Variants in PTPRM observed in about 807,000 individuals in gnomAD.
PTPRM encodes the protein receptor-type tyrosine-protein phosphatase mu.
A neutral mutation model predicts 186.7 loss-of-function variants in PTPRM; 47 were observed. That is an observed-to-expected ratio of 0.25 (90% CI 0.20 to 0.32). The LOEUF is 0.32. Ranked by LOEUF, PTPRM falls within the 10% of genes least tolerant of loss-of-function variation. The pLI is 1.00. For missense variants in PTPRM, 1,494 were observed against 1,865.0 expected, an observed-to-expected ratio of 0.80 and a Z score of 3.66; for synonymous variants, 668 against 674.9, an observed-to-expected ratio of 0.99 and a Z score of 0.16.
intron 19 of PTPRM, 63 bp downstream of exon 19, chr18:8,253,477 G>A: frequency 7.6e-7 from 1 of 1,319,556 alleles, no homozygotes; most frequent in Non-Finnish European, 9.8e-7. Flanking sequence ...CAGGTACTGT[G>A]CTCCCAACTC....
At chr18:7,818,034 A>G (rs966426231) in intron 2 of PTPRM, among the ~76,000 whole-genome samples, 1 of 152,066 alleles carries the variant, frequency 6.6e-6, no homozygotes, top group Non-Finnish European at 1.5e-5. Flanking sequence ...CAGCCTAGGG[A>G]TTTTGCAAGT....
At chr18:7,582,579 G>A (rs2036874092) in intron 1 of PTPRM, among the ~76,000 whole-genome samples, 1 of 152,210 alleles carries the variant, frequency 6.6e-6, no homozygotes, top group Non-Finnish European at 1.5e-5. Context: ...ACAAAAAGAG[G>A]TGGGAAATTG....
rs957448489 is a variant in PTPRM at position 7,830,201 on chromosome 18, G to A, written c.196+55930G>A. Among the ~76,000 whole-genome samples the A allele has an allele frequency of 4.6e-5, 7 of 152,082 alleles. No homozygotes were observed. In the East Asian group the frequency reaches 1.4e-3, roughly 29 times the overall value. ...CCTGTGGGCCCTTCCCCTCTTACTG[G>A]GCATGTGTTTCAAGTGGAGCCCCAT... On this transcript the variant is annotated intron_variant, in intron 2 of 32. Transcript: ENST00000580170.
chr18:8,216,148 G>A (rs529052642), intron 14 of PTPRM, among the ~76,000 whole-genome samples: 5 of 152,152 alleles, frequency 3.3e-5, no homozygotes, highest in African/African-American at 9.6e-5. Flanking sequence ...TTTCATGGAA[G>A]TCATAAAAAC....
intron 2 of PTPRM, among the ~76,000 whole-genome samples, chr18:7,887,086 AT>A (rs2048825587): frequency 6.6e-6 from 1 of 152,168 alleles, no homozygotes; most frequent in Admixed American, 6.5e-5. Flanking sequence ...TCTGTGTAGT[AT>A]TTTTATTTTT....
At chr18:8,399,961 C>T (rs2095863532) in intron 32 of PTPRM, 1 of 152,262 alleles carries the variant, frequency 6.6e-6, no homozygotes, top group African/African-American at 2.4e-5. Context: ...TGGTCATAAC[C>T]CTTCGCTGGG....
intron 5 of PTPRM, among the ~76,000 whole-genome samples, chr18:7,945,721 A>G (rs1410961467): frequency 6.6e-6 from 1 of 152,128 alleles, no homozygotes; most frequent in Non-Finnish European, 1.5e-5. Context: ...CTAGCCAGAC[A>G]ATAAGCTCAA....
chr18:8,319,053 T>G, intron 21 of PTPRM, 125 bp from the exon 22 acceptor site: 1 of 674,456 alleles, frequency 1.5e-6, no homozygotes, highest in Admixed American at 2.8e-5. Flanking sequence ...GGTTGGCCAT[T>G]TAACTTTCAG....
chr18:8,308,832 T>C (rs772769588), intron 20 of PTPRM, among the ~76,000 whole-genome samples: 1 of 152,246 alleles, frequency 6.6e-6, no homozygotes, highest in Non-Finnish European at 1.5e-5. Flanking sequence ...AAAATTTCAG[T>C]TCCTTTGTTA....
At chr18:8,389,193 A>T (rs1380218) in intron 31 of PTPRM, among the ~76,000 whole-genome samples, 1,649 of 152,300 alleles carry the variant, frequency 0.011, 24 homozygotes, top group African/African-American at 0.037. Context: ...CCCTGCCTGC[A>T]TCTGGAGACC....
chr18:8,105,560 T>C (rs2091477866), intron 11 of PTPRM, among the ~76,000 whole-genome samples: 2 of 152,238 alleles, frequency 1.3e-5, no homozygotes, highest in Admixed American at 6.5e-5. Flanking sequence ...AGACTTGCTT[T>C]TGTGCATGAA....
intron 1 of PTPRM, among the ~76,000 whole-genome samples, chr18:7,665,756 T>C (rs142299247): frequency 6.6e-6 from 1 of 152,130 alleles, no homozygotes; most frequent in East Asian, 1.9e-4. Context: ...GCCTCATCTC[T>C]ACTAAAAATA....
At chr18:8,282,151 T>C (rs1015911806) in intron 19 of PTPRM, among the ~76,000 whole-genome samples, 11 of 152,040 alleles carry the variant, frequency 7.2e-5, no homozygotes, top group African/African-American at 2.7e-4. Flanking sequence ...AATGTACAGA[T>C]GACAAATAAA....
At chr18:7,742,422 A>G (rs1429519223) in intron 1 of PTPRM, among the ~76,000 whole-genome samples, 1 of 152,154 alleles carries the variant, frequency 6.6e-6, no homozygotes, top group African/African-American at 2.4e-5. Flanking sequence ...ATCCATTCAC[A>G]AGTATCCTCC....
chr18:8,227,066 T>C (rs2094222513), intron 14 of PTPRM, among the ~76,000 whole-genome samples: 1 of 152,230 alleles, frequency 6.6e-6, no homozygotes, highest in African/African-American at 2.4e-5. Context: ...CAACCTCAAT[T>C]CCAACCACAG....
At chr18:8,180,062 G>C (rs1396712273) in intron 14 of PTPRM, among the ~76,000 whole-genome samples, 1 of 152,138 alleles carries the variant, frequency 6.6e-6, no homozygotes, top group Non-Finnish European at 1.5e-5. Flanking sequence ...AATCAGCTTG[G>C]AAGAGCAGAA....
chr18:7,684,348 A>G (rs992288852), intron 1 of PTPRM, among the ~76,000 whole-genome samples: 2 of 152,060 alleles, frequency 1.3e-5, no homozygotes, highest in African/African-American at 4.8e-5. Context: ...TAACATGGTA[A>G]GAACACGTAA....
intron 20 of PTPRM, among the ~76,000 whole-genome samples, chr18:8,302,716 C>G (rs573658948): frequency 6.6e-6 from 1 of 152,036 alleles, no homozygotes; most frequent in Admixed American, 6.5e-5. Context: ...AGAGATGACT[C>G]CTGCGTTTCC....
chr18:7,616,831 C>T (rs1220543079), intron 1 of PTPRM, among the ~76,000 whole-genome samples: 2 of 152,146 alleles, frequency 1.3e-5, no homozygotes, highest in Admixed American at 6.5e-5. Flanking sequence ...TGTTCTCACT[C>T]GCATGGCCAA....
Sources: allele counts gnomAD v4.1 joint callset (sites outside exome capture counted in the v4.1 genomes callset), GRCh38; gene constraint gnomAD v4.1.1; transcripts MANE v1.5; gene names NCBI Gene and HGNC (gene_info 2026-07-23, HGNC 2026-07-21).